Variants in BSDC1 observed in about 807,000 individuals in gnomAD.
The protein encoded by BSDC1 is BSD domain containing 1.
BSDC1 carries 29 observed loss-of-function variants against 56.0 expected under a neutral mutation model. The observed-to-expected ratio is 0.52, with a 90% CI of 0.39 to 0.71. The LOEUF is 0.71. Among genes scored for constraint, BSDC1 ranks in the 30% least tolerant of loss-of-function variants. The probability of loss-of-function intolerance (pLI) is 0.00; values close to 1 mark genes in which losing one functional copy is unlikely to be tolerated. For missense variants in BSDC1, 477 were observed against 548.5 expected, an observed-to-expected ratio of 0.87 and a Z score of 1.30; for synonymous variants, 210 against 215.3, an observed-to-expected ratio of 0.98 and a Z score of 0.21.
intron 2 of BSDC1, 80 bp from the exon 3 acceptor site, chr1:32,386,975 C>A: frequency 9.3e-7 from 1 of 1,078,464 alleles, no homozygotes; most frequent in Non-Finnish European, 1.4e-6. Flanking sequence ...TCTTCAGTAC[C>A]AGACAGACAA....
intron 2 of BSDC1, among the ~76,000 whole-genome samples, chr1:32,392,097 C>T (rs1445253047): frequency 6.6e-6 from 1 of 152,022 alleles, no homozygotes; most frequent in Non-Finnish European, 1.5e-5. Context: ...TTTGGGAGGC[C>T]GAGGCAGGCG....
intron 3 of BSDC1, chr1:32,386,466 T>TTC (rs112034573): frequency 2.9e-5 from 8 of 272,128 alleles, no homozygotes; most frequent in South Asian, 4.8e-5. Context: ...CTCTAGGTCT[T>TTC]TCTCTCTCTC....
chr1:32,388,738 C>CT (rs1421039256), intron 2 of BSDC1, among the ~76,000 whole-genome samples: 1 of 152,216 alleles, frequency 6.6e-6, no homozygotes, highest in Non-Finnish European at 1.5e-5. Context: ...GCCCTAGCAT[C>CT]TGTCCTGCCT....
intron 4 of BSDC1, among the ~76,000 whole-genome samples, chr1:32,382,650 C>T (rs150418918): frequency 6.8e-6 from 1 of 146,774 alleles, no homozygotes; most frequent in Non-Finnish European, 1.5e-5. Flanking sequence ...CACTTGAGCC[C>T]AGGGGTTTGA....
intron 2 of BSDC1, among the ~76,000 whole-genome samples, chr1:32,390,484 A>G (rs1480417263): frequency 6.6e-6 from 1 of 152,240 alleles, no homozygotes; most frequent in Admixed American, 6.5e-5. Flanking sequence ...TAGATGCAGT[A>G]CTGCCAGCTA....
intron 9 of BSDC1, among the ~76,000 whole-genome samples, chr1:32,370,837 A>G (rs1047549736): frequency 2.0e-5 from 3 of 147,430 alleles, no homozygotes; most frequent in Non-Finnish European, 4.5e-5. Context: ...AAAAAATTCT[A>G]GCCATGTCAC....
intron 1 of BSDC1, 30 bp downstream of exon 1, chr1:32,394,374 C>T: frequency 6.2e-7 from 1 of 1,614,106 alleles, no homozygotes. Flanking sequence ...ATTCAGGCCC[C>T]AACGCCTAGG....
chr1:32,389,346 T>C (rs1642786837), intron 2 of BSDC1, among the ~76,000 whole-genome samples: 1 of 152,226 alleles, frequency 6.6e-6, no homozygotes, highest in South Asian at 2.1e-4. Context: ...TTCCCCAGTA[T>C]CTGACACAGA....
chr1:32,383,653 G>T (rs1393637910), intron 4 of BSDC1, among the ~76,000 whole-genome samples, 177 bp downstream of exon 4: 2 of 152,164 alleles, frequency 1.3e-5, no homozygotes, highest in Non-Finnish European at 2.9e-5. Context: ...TGATGCAATT[G>T]TGAGTTTAAA....
chr1:32,394,057 A>G (rs774414848), intron 2 of BSDC1, 23 bp downstream of exon 2: 3 of 1,603,448 alleles, frequency 1.9e-6, no homozygotes, highest in African/African-American at 2.7e-5. Flanking sequence ...TGCTGAGGGA[A>G]GAAGGGCACG....
chr1:32,369,824 GCT>G (rs985846001), intron 9 of BSDC1, among the ~76,000 whole-genome samples: 15 of 152,176 alleles, frequency 9.9e-5, no homozygotes, highest in South Asian at 8.3e-4. Context: ...ACAGAGTCTC[GCT>G]CTGTCACCCA....
chr1:32,372,256 A>C (rs1035700175), intron 9 of BSDC1, among the ~76,000 whole-genome samples: 1 of 152,166 alleles, frequency 6.6e-6, no homozygotes, highest in South Asian at 2.1e-4. Context: ...CTGCACCTAC[A>C]TCCCTCTGTG....
chr1:32,379,473 C>T (rs571010723), intron 5 of BSDC1, among the ~76,000 whole-genome samples: 2 of 152,308 alleles, frequency 1.3e-5, no homozygotes, highest in Admixed American at 6.5e-5. Context: ...ATACTTCCAC[C>T]TGCAAACACA....
At chr1:32,388,717 G>A (rs1476064760) in intron 2 of BSDC1, among the ~76,000 whole-genome samples, 2 of 152,168 alleles carry the variant, frequency 1.3e-5, no homozygotes, top group African/African-American at 4.8e-5. Flanking sequence ...CCTTCCTCAA[G>A]TTTCTAAAAT....
At chr1:32,389,238 A>C (rs947705065) in intron 2 of BSDC1, among the ~76,000 whole-genome samples, 1 of 152,102 alleles carries the variant, frequency 6.6e-6, no homozygotes, top group Non-Finnish European at 1.5e-5. Context: ...CTAACACTGA[A>C]CATAGTTTAG....
At chr1:32,376,846 T>A in intron 8 of BSDC1, 105 bp from the exon 9 acceptor site, 1 of 1,233,206 alleles carries the variant, frequency 8.1e-7, no homozygotes, top group Non-Finnish European at 1.0e-6. Context: ...TGATCAAGAC[T>A]CAAGCCGGGC....
intron 2 of BSDC1, among the ~76,000 whole-genome samples, chr1:32,389,999 G>A (rs1642811393): frequency 6.6e-6 from 1 of 151,344 alleles, no homozygotes; most frequent in Non-Finnish European, 1.5e-5. Flanking sequence ...AAGAACAGGA[G>A]TCAGCTAAGA....
chr1:32,375,709 A>T (rs2148119094), intron 9 of BSDC1, among the ~76,000 whole-genome samples: 1 of 152,348 alleles, frequency 6.6e-6, no homozygotes. Context: ...TTTCATAATA[A>T]CGAAGGCTTG....
chr1:32,370,799 G>T (rs1004519372), intron 9 of BSDC1, among the ~76,000 whole-genome samples: 7 of 80,320 alleles, frequency 8.7e-5, no homozygotes, highest in African/African-American at 3.7e-4. Context: ...GTGAGACTCC[G>T]TCTCAAAAAA....
Sources: gnomAD v4.1 joint callset for allele counts (sites outside exome capture counted in the v4.1 genomes callset) on GRCh38, gnomAD v4.1.1 for gene constraint, MANE v1.5 for transcripts, NCBI Gene and HGNC (gene_info 2026-07-23, HGNC 2026-07-21) for gene names.